Variants in PRKCZ observed in about 807,000 individuals in gnomAD.
PRKCZ encodes the protein protein kinase C zeta.
In PRKCZ, 33 loss-of-function variants were observed where a neutral mutation model predicts 79.5. That is an observed-to-expected ratio of 0.41 (90% confidence interval 0.31 to 0.55). The LOEUF is 0.55. Among genes scored for constraint, PRKCZ ranks in the 20% least tolerant of loss-of-function variants. The pLI is 0.19. For missense variants in PRKCZ, 578 were observed against 813.5 expected (o/e 0.71, Z 3.52); for synonymous variants, 342 against 320.9 (o/e 1.07, Z -0.70).
intron 4 of PRKCZ, among the ~76,000 whole-genome samples, chr1:2,083,693 G>T (rs1403819059): frequency 1.3e-5 from 2 of 151,976 alleles, no homozygotes; most frequent in Non-Finnish European, 2.9e-5. Context: ...ATTCCAGTGT[G>T]TCAGGAGGCT....
At chr1:2,180,185 CCT>C (rs1686279622) in intron 16 of PRKCZ, among the ~76,000 whole-genome samples, 1 of 152,194 alleles carries the variant, frequency 6.6e-6, no homozygotes, top group African/African-American at 2.4e-5. Flanking sequence ...CCCGCGAACC[CCT>C]CTGTCCACCC....
At chr1:2,130,911 A>G (rs562237726) in intron 4 of PRKCZ, among the ~76,000 whole-genome samples, 7 of 151,932 alleles carry the variant, frequency 4.6e-5, no homozygotes, top group Non-Finnish European at 8.8e-5. Context: ...AGCCACACTC[A>G]GTCTCCACAC....
At position 2,093,113 on chromosome 1, in the gene PRKCZ, T is replaced by C. The variant is rs147653115; in HGVS notation, c.334+33522T>C. The stretch of plus-strand genomic sequence containing the variant: ...AGGAACTCAAGAGAAAAGTTCATGC[T>C]TGTGAGGACAGAGCTGCAGCTTTAG... On this transcript the variant is annotated intron_variant, in intron 4 of 17. Transcript: ENST00000378567. Among the ~76,000 whole-genome samples, 1,352 of 152,274 alleles carry C rather than the reference T, an allele frequency of 8.9e-3. 26 individuals are homozygous for C. The highest frequency in any genetic ancestry group is 0.031 in the African/African-American group (1,274 of 41,528).
In PRKCZ at chr1:2,173,539, T is replaced by C. The variant is rs1684877788; in HGVS notation, c.1286-358T>C. On this transcript the variant is annotated intron_variant, in intron 13 of 17. Coordinates refer to ENST00000378567, the MANE Select transcript of PRKCZ (RefSeq NM_002744.6). This position sits in a 1 kb window ranked among gnomAD's most constrained non-coding sequence, Gnocchi z 5.7. Reference sequence around the variant, plus strand: ...AAACACAGGAGAGTATTTCCGTTACTGCAGCGAAAGGGCTTCTTCAAGCTT... The same window carrying C: ...AAACACAGGAGAGTATTTCCGTTACCGCAGCGAAAGGGCTTCTTCAAGCTT... Among the ~76,000 whole-genome samples, 1 of 152,226 alleles carries C rather than the reference T, an allele frequency of 6.6e-6. No individual in the cohort carries two copies. The highest frequency in any genetic ancestry group is 1.5e-5 in the Non-Finnish European group (1 of 68,038).
At chr1:2,119,228 T>TC (rs1671364748) in intron 4 of PRKCZ, among the ~76,000 whole-genome samples, 1 of 150,192 alleles carries the variant, frequency 6.7e-6, no homozygotes, top group Non-Finnish European at 1.5e-5. Context: ...TTTTTTTTTT[T>TC]TTTGAGATGG....
intron 4 of PRKCZ, among the ~76,000 whole-genome samples, chr1:2,068,236 G>A (rs1049503964): frequency 1.3e-5 from 2 of 152,208 alleles, no homozygotes; most frequent in East Asian, 1.9e-4. Context: ...GCCCGGCTTC[G>A]ATGCGGCCAT....
At chr1:2,161,689 A>G (rs566371849) in intron 10 of PRKCZ, among the ~76,000 whole-genome samples, 2 of 151,882 alleles carry the variant, frequency 1.3e-5, no homozygotes, top group Admixed American at 6.6e-5. Flanking sequence ...GGACCGGGGG[A>G]CCTCCACTGC....
intron 6 of PRKCZ, chr1:2,144,975 CTG>C (rs1222120365): frequency 6.5e-6 from 1 of 152,800 alleles, no homozygotes; most frequent in African/African-American, 2.4e-5. Flanking sequence ...GTGGGTGTGT[CTG>C]GGGAGGGTGG....
intron 5 of PRKCZ, among the ~76,000 whole-genome samples, chr1:2,140,779 G>T (rs1677154503): frequency 6.6e-6 from 1 of 152,180 alleles, no homozygotes; most frequent in East Asian, 1.9e-4. Flanking sequence ...GACGAGCCTG[G>T]CCAACATGGC....
intron 5 of PRKCZ, chr1:2,143,609 C>T (rs1677858829): frequency 2.6e-5 from 4 of 152,246 alleles, no homozygotes; most frequent in Admixed American, 2.6e-4. Flanking sequence ...GCCAAACAAG[C>T]TGATAATTAC....
At chr1:2,119,474 C>G (rs1300043163) in intron 4 of PRKCZ, among the ~76,000 whole-genome samples, 1 of 152,192 alleles carries the variant, frequency 6.6e-6, no homozygotes, top group East Asian at 1.9e-4. Context: ...CTTGGCCTCC[C>G]AAAGTGCTGG....
At chr1:2,066,364 C>G (rs768448230) in intron 4 of PRKCZ, among the ~76,000 whole-genome samples, 2 of 152,200 alleles carry the variant, frequency 1.3e-5, no homozygotes, top group Non-Finnish European at 2.9e-5. Context: ...TTCTTTCTCT[C>G]TCTCTCTGTC....
In PRKCZ at chr1:2,168,730, C is replaced by T. The variant is rs1019422040; in HGVS notation, c.975-788C>T. On this transcript the variant is annotated intron_variant, in intron 10 of 17. Transcript: ENST00000378567. This position sits in a 1 kb window ranked among gnomAD's most constrained non-coding sequence, Gnocchi z 4.7. The stretch of plus-strand genomic sequence containing the variant: ...CTTCCCTCCTTCACTCCCCGCTCCA[C>T]GAGGGGCAGCCAGGAGCAGCCACCA... The T allele has an allele frequency of 1.2e-4, 22 of 178,958 alleles. 1 individual carries two copies. The highest frequency in any genetic ancestry group is 1.2e-3 in the South Asian group (11 of 9,108). 11.1% of individuals were successfully genotyped at this position (178,958 alleles called of 1,614,324 possible). A position where few individuals can be genotyped will look rare whatever the true frequency, so the allele number is the denominator to read the frequency against.
intron 5 of PRKCZ, among the ~76,000 whole-genome samples, chr1:2,139,002 A>G (rs557810130): frequency 2.6e-5 from 4 of 152,280 alleles, no homozygotes; most frequent in African/African-American, 9.6e-5. Context: ...GGGTCTTTAG[A>G]CTCAGCCACA....
At chr1:2,170,802 T>C (rs962254214) in intron 11 of PRKCZ, among the ~76,000 whole-genome samples, 2 of 152,242 alleles carry the variant, frequency 1.3e-5, no homozygotes, top group African/African-American at 4.8e-5. Context: ...GATTCATCCG[T>C]GCTGTGGCCT....
At position 2,112,346 on chromosome 1, in the gene PRKCZ, A is replaced by G. The variant is rs571854699; in HGVS notation, c.335-22916A>G. 2.6e-5 allele frequency among the ~76,000 whole-genome samples: 4 copies of G among 152,304 alleles called. No individual in the cohort carries two copies. In the East Asian group the frequency reaches 7.7e-4, roughly 29 times the overall value. On this transcript the variant is annotated intron_variant, in intron 4 of 17. Transcript: ENST00000378567. ...ACGGCACAGTGCACCTTCTGTCCGA[A>G]GCAGCCGGCGAGGCGGCCCGCGAAC...
chr1:2,058,965 C>T (rs973755504), intron 3 of PRKCZ, among the ~76,000 whole-genome samples: 1 of 152,002 alleles, frequency 6.6e-6, no homozygotes, highest in East Asian at 1.9e-4. Context: ...TATACACACA[C>T]ACATAAAAAA....
rs181128189 is a variant in PRKCZ, at chr1:2,088,785, A to G, written c.334+29194A>G. ...GACTCCAGCTGGGGCTCAGCGCAAC[A>G]TAGCAAGACCCCATCTGAAAAAAAC... On this transcript the variant is annotated intron_variant, in intron 4 of 17. Coordinates refer to ENST00000378567, the MANE Select transcript of PRKCZ (RefSeq NM_002744.6). 8.7e-4 allele frequency among the ~76,000 whole-genome samples: 133 copies of G among 152,284 alleles called. 5 individuals are homozygous for G. The East Asian group carries it at 0.021, about 24-fold the overall frequency.
At chr1:2,181,465 C>T (rs746851193) in intron 16 of PRKCZ, among the ~76,000 whole-genome samples, 7 of 152,208 alleles carry the variant, frequency 4.6e-5, no homozygotes, top group East Asian at 3.9e-4. Flanking sequence ...TGCATTCAAA[C>T]GCACTGCTCT....
Sources: allele counts gnomAD v4.1 joint callset (sites outside exome capture counted in the v4.1 genomes callset), GRCh38; gene constraint gnomAD v4.1.1; non-coding constraint Gnocchi (gnomAD v3.1); transcripts MANE v1.5; gene names NCBI Gene and HGNC (gene_info 2026-07-23, HGNC 2026-07-21).